Variants in C8orf34 observed in about 807,000 individuals in gnomAD.
The protein encoded by C8orf34 is chromosome 8 open reading frame 34, also known as uncharacterized protein C8orf34.
A neutral mutation model predicts 68.3 loss-of-function variants in C8orf34; 65 were observed. That is an observed-to-expected ratio of 0.95 (90% CI 0.78 to 1.17). The LOEUF (loss-of-function observed/expected upper bound fraction) is 1.17, where lower values mean the gene tolerates loss of function less well. C8orf34 is among the 50% of genes most tolerant of loss of function. The pLI is 0.00. For synonymous variants in C8orf34, 244 were observed against 241.2 expected, an observed-to-expected ratio of 1.01 and a Z score of -0.11; for missense variants, 664 against 655.4, an observed-to-expected ratio of 1.01 and a Z score of -0.14.
chr8:68,341,083 A>G (rs1806050456), intron 1 of C8orf34, among the ~76,000 whole-genome samples: 2 of 152,220 alleles, frequency 1.3e-5, no homozygotes, highest in African/African-American at 2.4e-5. Flanking sequence ...CTTATAAACC[A>G]TAGAAATTTA....
intron 7 of C8orf34, among the ~76,000 whole-genome samples, chr8:68,601,198 TATAA>T (rs1327308392): frequency 6.6e-6 from 1 of 152,148 alleles, no homozygotes; most frequent in Non-Finnish European, 1.5e-5. Context: ...TTTTAGTTTT[TATAA>T]ATATAATTAT....
chr8:68,437,289 T>C (rs375116816), intron 1 of C8orf34, among the ~76,000 whole-genome samples: 3 of 152,186 alleles, frequency 2.0e-5, no homozygotes, highest in African/African-American at 7.2e-5. Flanking sequence ...CTAGAAACTT[T>C]CCATCTACTC....
intron 7 of C8orf34, among the ~76,000 whole-genome samples, chr8:68,616,876 T>C (rs1212288003): frequency 2.6e-5 from 4 of 152,202 alleles, no homozygotes; most frequent in Non-Finnish European, 5.9e-5. Context: ...CTGTCTAATG[T>C]TGACAGTGGG....
intron 7 of C8orf34, among the ~76,000 whole-genome samples, chr8:68,546,795 A>G (rs1313546655): frequency 6.6e-6 from 1 of 151,810 alleles, no homozygotes; most frequent in Non-Finnish European, 1.5e-5. Context: ...ACATTTAAGA[A>G]AATTTCAAAA....
intron 8 of C8orf34, among the ~76,000 whole-genome samples, chr8:68,652,493 G>A (rs890075490): frequency 1.3e-5 from 2 of 152,102 alleles, no homozygotes; most frequent in African/African-American, 2.4e-5. Flanking sequence ...CTTCATTCAA[G>A]TTCCCAAAGA....
intron 1 of C8orf34, among the ~76,000 whole-genome samples, chr8:68,423,670 C>A (rs1297982076): frequency 1.3e-5 from 2 of 152,140 alleles, no homozygotes; most frequent in African/African-American, 2.4e-5. Context: ...ATCTTTACAG[C>A]AGCACCCCAC....
intron 3 of C8orf34, 99 bp downstream of exon 3, chr8:68,446,559 G>T: frequency 8.0e-7 from 1 of 1,257,822 alleles, no homozygotes; most frequent in Non-Finnish European, 1.1e-6. Flanking sequence ...CTTTTCATCT[G>T]ATATTTCTGG....
At chr8:68,569,678 G>A (rs756294928) in intron 7 of C8orf34, among the ~76,000 whole-genome samples, 5 of 152,164 alleles carry the variant, frequency 3.3e-5, no homozygotes, top group Non-Finnish European at 5.9e-5. Context: ...GGAATTCAGG[G>A]AAATAGTTTA....
At chr8:68,644,140 A>G (rs1051116059) in intron 8 of C8orf34, among the ~76,000 whole-genome samples, 2 of 152,216 alleles carry the variant, frequency 1.3e-5, no homozygotes, top group Non-Finnish European at 2.9e-5. Flanking sequence ...GAAAAGGTCT[A>G]CAAATTAATT....
intron 4 of C8orf34, among the ~76,000 whole-genome samples, chr8:68,472,425 C>T (rs762607187): frequency 2.6e-5 from 4 of 152,036 alleles, no homozygotes; most frequent in Non-Finnish European, 5.9e-5. Flanking sequence ...AGGTCAGAGC[C>T]ATATAGAGTA....
chr8:68,390,694 C>T (rs897391111), intron 1 of C8orf34, among the ~76,000 whole-genome samples: 1 of 152,114 alleles, frequency 6.6e-6, no homozygotes, highest in East Asian at 1.9e-4. Context: ...CTCTTAGAAG[C>T]TCAGATTTTT....
intron 3 of C8orf34, among the ~76,000 whole-genome samples, chr8:68,455,748 A>T (rs1478020405): frequency 6.6e-6 from 1 of 152,152 alleles, no homozygotes; most frequent in Non-Finnish European, 1.5e-5. Context: ...CTTATTGTAA[A>T]TATAATGAGG....
chr8:68,613,291 T>TTTTTA (rs1818079046), intron 7 of C8orf34, among the ~76,000 whole-genome samples: 1 of 152,148 alleles, frequency 6.6e-6, no homozygotes, highest in Non-Finnish European at 1.5e-5. Flanking sequence ...TGCCTTTTTC[T>TTTTTA]TTTTATTTTA....
intron 4 of C8orf34, among the ~76,000 whole-genome samples, chr8:68,484,443 C>T (rs1319506650): frequency 1.3e-5 from 2 of 152,130 alleles, no homozygotes; most frequent in Non-Finnish European, 2.9e-5. Context: ...CCATGTGTTC[C>T]AGTGCTCATT....
In C8orf34 at chr8:68,506,542, T is replaced by C. The variant is rs535106814; in HGVS notation, c.766-15257T>C. On this transcript the variant is annotated intron_variant, in intron 5 of 13. Coordinates refer to ENST00000518698, the MANE Select transcript of C8orf34 (RefSeq NM_052958.4). ...TAACAACAAAGTTAAATGCCTGATTTTTTTTTGCCCATTTTTATTGCTCAT... is the reference window on the plus strand; with the variant it reads ...TAACAACAAAGTTAAATGCCTGATTCTTTTTTGCCCATTTTTATTGCTCAT... 2.6e-5 allele frequency among the ~76,000 whole-genome samples: 4 copies of C among 152,290 alleles called. No individual in the cohort carries two copies. The East Asian group carries it at 7.7e-4, about 29-fold the overall frequency.
intron 10 of C8orf34, among the ~76,000 whole-genome samples, chr8:68,747,961 C>T (rs1448269082): frequency 6.6e-6 from 1 of 152,050 alleles, no homozygotes; most frequent in Non-Finnish European, 1.5e-5. Flanking sequence ...AAGCTGGAGA[C>T]ATCACACTAC....
At position 68,350,279 on chromosome 8, in the gene C8orf34, T is replaced by G. The variant is rs76519856; in HGVS notation, c.327+18940T>G. ...CATAGTCTTGCTTTTTTTTTTATTG[T>G]GCTGTGGTCATAGAGTGTGTTTGGT... On this transcript the variant is annotated intron_variant, in intron 1 of 13. Transcript: ENST00000518698. Among the ~76,000 whole-genome samples the G allele has an allele frequency of 8.1e-3, 1,235 of 151,826 alleles. 41 individuals are homozygous for G. In the East Asian group the frequency reaches 0.1, roughly 13 times the overall value.
chr8:68,445,551 AG>A (rs1371569245), intron 2 of C8orf34, among the ~76,000 whole-genome samples: 1 of 152,182 alleles, frequency 6.6e-6, no homozygotes, highest in East Asian at 1.9e-4. Flanking sequence ...CCACCTTCTA[AG>A]GGGAATTTCA....
At chr8:68,409,815 A>G (rs1343650078) in intron 1 of C8orf34, among the ~76,000 whole-genome samples, 1 of 152,192 alleles carries the variant, frequency 6.6e-6, no homozygotes, top group African/African-American at 2.4e-5. Flanking sequence ...TGCCCTATAT[A>G]AGAGAACATT....
Sources: gnomAD v4.1 joint callset for allele counts (sites outside exome capture counted in the v4.1 genomes callset) on GRCh38, gnomAD v4.1.1 for gene constraint, MANE v1.5 for transcripts, NCBI Gene and HGNC (gene_info 2026-07-23, HGNC 2026-07-21) for gene names.